Variants in DRC11 observed in about 807,000 individuals in gnomAD.
The protein encoded by DRC11 is IQ and AAA domain-containing protein 1.
the DRC11 span, among the ~76,000 whole-genome samples, chr2:236,465,195 C>T: frequency 1.3e-5 from 2 of 151,988 alleles, no homozygotes; most frequent in African/African-American, 2.4e-5. This position sits in a 1 kb window ranked among gnomAD's most constrained non-coding sequence, Gnocchi z 6.2. Flanking sequence ...TGGCTAGATG[C>T]CAGAAGGGAA....
At chr2:236,383,138 G>A in the DRC11 span, among the ~76,000 whole-genome samples, 1 of 152,020 alleles carries the variant, frequency 6.6e-6, no homozygotes, top group Non-Finnish European at 1.5e-5. Flanking sequence ...ATTTGTTATT[G>A]GTGTGTTGAA....
At chr2:236,497,163 G>A in the DRC11 span, 107 of 1,603,336 alleles carry the variant, frequency 6.7e-5, no homozygotes, top group East Asian at 8.5e-4. The surrounding 1 kb of genome is among the most constrained non-coding windows in gnomAD (Gnocchi z 5.1). Context: ...GAGTGCTTAC[G>A]GGGGCCAGCT....
the DRC11 span, among the ~76,000 whole-genome samples, chr2:236,444,941 C>T: frequency 0.44 from 66,698 of 152,040 alleles, 15,113 homozygotes; most frequent in African/African-American, 0.5. Context: ...CAGGTGGTGC[C>T]TGTCCACAAG....
At chr2:236,312,399 A>G in the DRC11 span, among the ~76,000 whole-genome samples, 3 of 152,084 alleles carry the variant, frequency 2.0e-5, no homozygotes, top group African/African-American at 7.2e-5. Flanking sequence ...TTACATAGGA[A>G]AAGCCTGAAA....
the DRC11 span, among the ~76,000 whole-genome samples, chr2:236,482,770 A>T: frequency 6.6e-6 from 1 of 152,228 alleles, no homozygotes; most frequent in Non-Finnish European, 1.5e-5. The surrounding 1 kb of genome is among the most constrained non-coding windows in gnomAD (Gnocchi z 4.5). Flanking sequence ...GATTCAATGA[A>T]ATTACAGTAG....
the DRC11 span, among the ~76,000 whole-genome samples, chr2:236,354,780 C>T: frequency 2.0e-5 from 3 of 152,158 alleles, no homozygotes; most frequent in Non-Finnish European, 4.4e-5. Context: ...CTGACTGACA[C>T]ACAGTGCCCG....
At chr2:236,345,036 C>T in the DRC11 span, among the ~76,000 whole-genome samples, 3,403 of 95,108 alleles carry the variant, frequency 0.036, no homozygotes, top group Non-Finnish European at 0.044. Flanking sequence ...AATGTGCTTC[C>T]CTCTGGGGTG....
At chr2:236,497,992 T>G in the DRC11 span, among the ~76,000 whole-genome samples, 73 of 152,194 alleles carry the variant, frequency 4.8e-4, no homozygotes, top group South Asian at 1.0e-3. This position sits in a 1 kb window ranked among gnomAD's most constrained non-coding sequence, Gnocchi z 5.1. Context: ...TAAATAATAG[T>G]AAAAACCTGT....
the DRC11 span, among the ~76,000 whole-genome samples, chr2:236,383,722 G>T: frequency 6.6e-6 from 1 of 150,518 alleles, no homozygotes; most frequent in Non-Finnish European, 1.5e-5. Context: ...GTGCAGGTTA[G>T]TTACATATGT....
chr2:236,335,017 G>A, the DRC11 span, among the ~76,000 whole-genome samples: 849 of 151,996 alleles, frequency 5.6e-3, 10 homozygotes, highest in African/African-American at 0.019. The surrounding 1 kb of genome is among the most constrained non-coding windows in gnomAD (Gnocchi z 5.6). Flanking sequence ...GGGAAAGAAG[G>A]AGAGATTGAA....
chr2:236,500,742 G>A, the DRC11 span, among the ~76,000 whole-genome samples: 4 of 152,272 alleles, frequency 2.6e-5, no homozygotes, highest in East Asian at 7.7e-4. This position sits in a 1 kb window ranked among gnomAD's most constrained non-coding sequence, Gnocchi z 6.3. Flanking sequence ...CGTTCTCGTT[G>A]CCCAGGCTAG....
At chr2:236,463,228 C>A in the DRC11 span, among the ~76,000 whole-genome samples, 2 of 152,038 alleles carry the variant, frequency 1.3e-5, no homozygotes, top group Non-Finnish European at 2.9e-5. This position sits in a 1 kb window ranked among gnomAD's most constrained non-coding sequence, Gnocchi z 5.0. Context: ...TAAGTTTTGA[C>A]AAATGTATGC....
the DRC11 span, among the ~76,000 whole-genome samples, chr2:236,357,251 T>G: frequency 4.2e-4 from 43 of 102,238 alleles, 1 homozygote; most frequent in South Asian, 0.011. Context: ...ATATAGTATA[T>G]ATCTATATAT....
chr2:236,437,788 CGTTT>C, the DRC11 span, among the ~76,000 whole-genome samples: 2 of 151,734 alleles, frequency 1.3e-5, no homozygotes, highest in African/African-American at 4.8e-5. Context: ...TTGATGGGGT[CGTTT>C]GTTTTTTTCT....
chr2:236,438,868 C>G, the DRC11 span, among the ~76,000 whole-genome samples: 1 of 151,916 alleles, frequency 6.6e-6, no homozygotes, highest in African/African-American at 2.4e-5. Context: ...AACAAACTAT[C>G]TCTCAGACCA....
the DRC11 span, chr2:236,363,740 A>C: frequency 2.1e-6 from 3 of 1,418,236 alleles, no homozygotes; most frequent in South Asian, 3.6e-5. The surrounding 1 kb of genome is among the most constrained non-coding windows in gnomAD (Gnocchi z 5.6). Flanking sequence ...GTAATTTGAA[A>C]GAGGGAGGAG....
At chr2:236,357,505 ATAT>A in the DRC11 span, among the ~76,000 whole-genome samples, 14 of 127,196 alleles carry the variant, frequency 1.1e-4, no homozygotes, top group South Asian at 4.7e-4. Context: ...ACATATTTAC[ATAT>A]TATAAATATA....
At chr2:236,431,783 T>A in the DRC11 span, among the ~76,000 whole-genome samples, 1 of 152,212 alleles carries the variant, frequency 6.6e-6, no homozygotes, top group Non-Finnish European at 1.5e-5. The surrounding 1 kb of genome is among the most constrained non-coding windows in gnomAD (Gnocchi z 4.2). Flanking sequence ...AATTGCCAAA[T>A]AATATAAAGT....
the DRC11 span, among the ~76,000 whole-genome samples, chr2:236,440,377 T>C: frequency 6.6e-6 from 1 of 152,230 alleles, no homozygotes; most frequent in African/African-American, 2.4e-5. Context: ...GATTTTCATT[T>C]TGACAATGCC....
Sources: gnomAD v4.1 joint callset for allele counts (sites outside exome capture counted in the v4.1 genomes callset) on GRCh38, gnomAD v4.1.1 for gene constraint, Gnocchi (gnomAD v3.1) non-coding constraint, MANE v1.5 for transcripts, NCBI Gene and HGNC (gene_info 2026-07-23, HGNC 2026-07-21) for gene names.